Variants in MCOLN3 observed in about 807,000 individuals in gnomAD.
MCOLN3 encodes mucolipin TRP cation channel 3.
Under a neutral mutation model 69.4 loss-of-function variants are expected in MCOLN3, and 62 were observed. The observed-to-expected ratio is 0.89, with a 90% confidence interval of 0.73 to 1.10. The LOEUF is 1.10. MCOLN3 is among the 50% of genes least tolerant of loss of function. MCOLN3 has a pLI of 0.00. For synonymous variants in MCOLN3, 183 were observed against 217.0 expected (o/e 0.84, Z 1.38); for missense variants, 564 against 656.4 (o/e 0.86, Z 1.54).
At chr1:85,032,842 G>A (rs772711588) in intron 5 of MCOLN3, 30 bp downstream of exon 5, 32 of 1,613,438 alleles carry the variant, frequency 2.0e-5, no homozygotes, top group Admixed American at 1.5e-4. Flanking sequence ...ACGTGCAAAC[G>A]TAAGTTACAC....
intron 6 of MCOLN3, 200 bp from the exon 7 acceptor site, chr1:85,029,405 G>T: frequency 1.9e-6 from 1 of 536,340 alleles, no homozygotes; most frequent in Non-Finnish European, 3.3e-6. Context: ...ATCTTCTACA[G>T]AGACCCTGTA....
At chr1:85,045,518 G>A (rs1233921918) in intron 1 of MCOLN3, among the ~76,000 whole-genome samples, 156 bp from the exon 2 acceptor site, 1 of 152,184 alleles carries the variant, frequency 6.6e-6, no homozygotes, top group Non-Finnish European at 1.5e-5. Flanking sequence ...GATGTTTACA[G>A]AATCAGTTCC....
rs116900631 is a variant in MCOLN3 at position 85,045,867 on chromosome 1, C to G, written c.-2-505G>C. Reference sequence around the variant, plus strand: ...AGATAGCAGGGTGTAGTGTAAAGAACAAGATTCAGTTTGGTTTCTAATCCT... The same window carrying G: ...AGATAGCAGGGTGTAGTGTAAAGAAGAAGATTCAGTTTGGTTTCTAATCCT... On this transcript the variant is annotated intron_variant, in intron 1 of 12. Transcript: ENST00000370589. Among the ~76,000 whole-genome samples, 56 of 152,226 alleles carry G rather than the reference C, an allele frequency of 3.7e-4. 1 individual carries two copies. In the East Asian group the frequency reaches 6.4e-3, roughly 17 times the overall value.
At chr1:85,030,069 T>C (rs912221298) in intron 6 of MCOLN3, 11 of 152,228 alleles carry the variant, frequency 7.2e-5, no homozygotes, top group African/African-American at 2.7e-4. Context: ...TGAGGGATTG[T>C]AAGCTTCTTT....
At chr1:85,021,762 G>A (rs902534591) in intron 11 of MCOLN3, among the ~76,000 whole-genome samples, 1 of 152,154 alleles carries the variant, frequency 6.6e-6, no homozygotes, top group Non-Finnish European at 1.5e-5. Context: ...ATTTTGAGAA[G>A]GCTTATCTGA....
At chr1:85,037,320 T>C (rs1258956216) in intron 3 of MCOLN3, among the ~76,000 whole-genome samples, 2 of 152,074 alleles carry the variant, frequency 1.3e-5, no homozygotes, top group Non-Finnish European at 2.9e-5. Context: ...ACATATGATG[T>C]GTAATGGGAG....
chr1:85,031,700 T>C (rs375996146), intron 6 of MCOLN3, among the ~76,000 whole-genome samples: 49 of 152,194 alleles, frequency 3.2e-4, no homozygotes, highest in African/African-American at 1.2e-3. Flanking sequence ...TGAAGCACAC[T>C]GGAAATGGTA....
chr1:85,029,351 G>T, intron 6 of MCOLN3, 146 bp from the exon 7 acceptor site: 1 of 595,606 alleles, frequency 1.7e-6, no homozygotes, highest in East Asian at 2.8e-5. Context: ...TTCAACCATG[G>T]GAAGTTCTCT....
intron 10 of MCOLN3, 49 bp downstream of exon 10, chr1:85,022,250 T>A: frequency 6.2e-7 from 1 of 1,613,822 alleles, no homozygotes; most frequent in African/African-American, 1.3e-5. Context: ...AGCAGTGCAA[T>A]AACTTTGAGA....
chr1:85,045,128 C>T lies in MCOLN3; in HGVS notation c.228+5G>A, dbSNP rs1244933413. 2.5e-6 allele frequency: 4 copies of T among 1,608,624 alleles called. No homozygotes were observed. The highest frequency in any genetic ancestry group is 1.7e-5 in the Admixed American group (1 of 59,692). On this transcript the variant is annotated splice_donor_5th_base_variant and intron_variant, in intron 2 of 12. Coordinates refer to ENST00000370589, the MANE Select transcript of MCOLN3 (RefSeq NM_018298.11). ...TTCACCAAACTCATGATCTGAGATG[C>T]TTACCTGGATAGTCACCATTGCAAT...
At chr1:85,044,961 A>G (rs1653265171) in intron 2 of MCOLN3, among the ~76,000 whole-genome samples, 172 bp downstream of exon 2, 1 of 152,154 alleles carries the variant, frequency 6.6e-6, no homozygotes, top group South Asian at 2.1e-4. Flanking sequence ...AAAGAAGACA[A>G]ACTCTTTCAC....
In MCOLN3 at chr1:85,032,884, A is replaced by G. The variant is rs1158927529; in HGVS notation, c.623T>C (p.Leu208Pro). 5 of 1,614,198 alleles carry G rather than the reference A, an allele frequency of 3.1e-6. No homozygotes were observed. The highest frequency in any genetic ancestry group is 4.2e-6 in the Non-Finnish European group (5 of 1,180,010). ...TPAENKLNLTLDFHRLLTVEL... is the reference protein window; with the variant it reads ...TPAENKLNLTPDFHRLLTVEL... ...CTGCTCCCCTCACCTGTGGAAGTCC[A>G]GTGTTAAGTTCAGTTTATTTTCTGC... The change falls in exon 5 of 13, where the codon CTG becomes CCG. Residue 208 changes from leucine (L) to proline (P), a missense_variant. Leu to Pro is a moderately conservative substitution (Grantham distance 98). Coordinates refer to ENST00000370589, the MANE Select transcript of MCOLN3 (RefSeq NM_018298.11).
At chr1:85,040,714 A>G (rs957303945) in intron 3 of MCOLN3, among the ~76,000 whole-genome samples, 3 of 152,144 alleles carry the variant, frequency 2.0e-5, no homozygotes, top group African/African-American at 7.2e-5. Context: ...ACCCAGGGTC[A>G]TAGTTAGTAA....
chr1:85,046,376 T>C (rs1207190028), intron 1 of MCOLN3, among the ~76,000 whole-genome samples: 3 of 152,174 alleles, frequency 2.0e-5, no homozygotes, highest in Non-Finnish European at 4.4e-5. Context: ...AATCAGTTTT[T>C]TCAAAGTGAC....
chr1:85,041,858 G>A (rs1191090828), intron 2 of MCOLN3, among the ~76,000 whole-genome samples: 1 of 88,438 alleles, frequency 1.1e-5, no homozygotes, highest in Non-Finnish European at 2.0e-5. Context: ...CAATAAGAGC[G>A]AAACTACGTC....
intron 6 of MCOLN3, among the ~76,000 whole-genome samples, chr1:85,032,173 G>C (rs775639097): frequency 1.1e-4 from 17 of 152,186 alleles, no homozygotes; most frequent in Non-Finnish European, 1.6e-4. Context: ...TAGCATGAGG[G>C]CCAAGATGGG....
Position 85,022,198 on chromosome 1 carries a change from A to C in MCOLN3, c.1198-6T>G, listed in dbSNP as rs1651975774. ...TGAAGGGTCAAAATGAGGAGCTGGGAAAGTAAGAGAGGCCATTAGAATGGT... is the reference window on the plus strand; with the variant it reads ...TGAAGGGTCAAAATGAGGAGCTGGGCAAGTAAGAGAGGCCATTAGAATGGT... On this transcript the variant is annotated splice_polypyrimidine_tract_variant and splice_region_variant and intron_variant, in intron 10 of 12. Transcript: ENST00000370589. 4 of 1,613,896 alleles carry C rather than the reference A, an allele frequency of 2.5e-6. No homozygotes were observed. The Admixed American group carries it at 5.0e-5, about 20-fold the overall frequency.
chr1:85,033,733 C>A (rs1046055931), intron 4 of MCOLN3, among the ~76,000 whole-genome samples: 1 of 152,132 alleles, frequency 6.6e-6, no homozygotes, highest in Non-Finnish European at 1.5e-5. Flanking sequence ...TCTATTAATA[C>A]TTCACTGGCA....
chr1:85,035,757 A>G (rs996785223), intron 3 of MCOLN3, among the ~76,000 whole-genome samples: 1 of 152,052 alleles, frequency 6.6e-6, no homozygotes, highest in East Asian at 1.9e-4. Context: ...TGCCTCTCCA[A>G]TCCTCCCTCT....
Sources: allele counts gnomAD v4.1 joint callset (sites outside exome capture counted in the v4.1 genomes callset), GRCh38; gene constraint gnomAD v4.1.1; transcripts MANE v1.5; gene names NCBI Gene and HGNC (gene_info 2026-07-23, HGNC 2026-07-21).